Variants in CHEK2 observed in about 807,000 individuals in gnomAD.
CHEK2 encodes checkpoint kinase 2, also known as serine/threonine-protein kinase Chk2.
In CHEK2, 71 loss-of-function variants were observed where a neutral mutation model predicts 69.1. The ratio of observed to expected loss-of-function variants is 1.03; its 90% CI spans 0.85 to 1.25. The LOEUF (loss-of-function observed/expected upper bound fraction) is 1.25. Among genes scored for constraint, CHEK2 ranks in the 50% most tolerant of loss-of-function variants. The probability of loss-of-function intolerance (pLI) is 0.00; values close to 1 mark genes in which losing one functional copy is unlikely to be tolerated. For missense variants in CHEK2, 664 were observed against 649.6 expected (o/e 1.02, Z -0.24); for synonymous variants, 189 against 226.9 (o/e 0.83, Z 1.50).
chr22:28,709,027 T>C, intron 7 of CHEK2: 1 of 383,616 alleles, frequency 2.6e-6, no homozygotes, highest in Non-Finnish European at 5.1e-6. Context: ...AGGAGAGAGA[T>C]CTTGCCTTGA....
At chr22:28,704,907 A>G (rs542730146) in intron 7 of CHEK2, among the ~76,000 whole-genome samples, 4 of 152,264 alleles carry the variant, frequency 2.6e-5, no homozygotes, top group South Asian at 2.1e-4. Context: ...CCTTCCCACA[A>G]TGAATTGTTA....
At chr22:28,732,167 A>G (rs2054238106) in intron 2 of CHEK2, among the ~76,000 whole-genome samples, 1 of 151,412 alleles carries the variant, frequency 6.6e-6, no homozygotes. Context: ...GCTGGAGTGC[A>G]ATGGCGAGAT....
chr22:28,721,582 C>T (rs1441820311), intron 4 of CHEK2: 2 of 459,576 alleles, frequency 4.4e-6, no homozygotes, highest in African/African-American at 2.0e-5. Flanking sequence ...CCACCGCGCC[C>T]CGCCGTATTT....
At chr22:28,696,481 C>T (rs956240747) in intron 10 of CHEK2, among the ~76,000 whole-genome samples, 1 of 152,226 alleles carries the variant, frequency 6.6e-6, no homozygotes, top group Non-Finnish European at 1.5e-5. Context: ...TCAAGTGATT[C>T]TCGTGTCTCA....
chr22:28,699,731 G>T, intron 9 of CHEK2, 107 bp downstream of exon 9: 1 of 854,826 alleles, frequency 1.2e-6, no homozygotes. Context: ...CAAACACACA[G>T]ATTCTCTTCT....
chr22:28,722,485 G>A (rs574848889), intron 4 of CHEK2, among the ~76,000 whole-genome samples: 327 of 149,272 alleles, frequency 2.2e-3, no homozygotes, highest in Admixed American at 4.9e-3. Context: ...GCTTGCAGTG[G>A]GCCGAGATCA....
Position 28,730,041 on chromosome 22 carries a change from C to T in CHEK2, c.319+4362G>A. 6.6e-5 allele frequency among the ~76,000 whole-genome samples: 10 copies of T among 150,720 alleles called. No individual in the cohort carries two copies. The Admixed American group carries it at 6.7e-4, about 10-fold the overall frequency. ...TGTATTTTTAGTAGAGACGGGGTTTCACCATGTTGGCCAGGATGGTCTCGA... is the reference window on the plus strand; with the variant it reads ...TGTATTTTTAGTAGAGACGGGGTTTTACCATGTTGGCCAGGATGGTCTCGA... On this transcript the variant is annotated intron_variant, in intron 2 of 14. Transcript: ENST00000404276.
At chr22:28,705,579 C>A (rs1235908708) in intron 7 of CHEK2, among the ~76,000 whole-genome samples, 1 of 152,076 alleles carries the variant, frequency 6.6e-6, no homozygotes, top group Non-Finnish European at 1.5e-5. Context: ...TTATAAGATT[C>A]AGAAACAAGC....
chr22:28,721,864 G>A (rs2053798750), intron 4 of CHEK2, among the ~76,000 whole-genome samples: 1 of 151,868 alleles, frequency 6.6e-6, no homozygotes, highest in Non-Finnish European at 1.5e-5. Flanking sequence ...CCAAGTAGCT[G>A]GGACTACAGG....
At chr22:28,697,054 C>A (rs2145819524) in intron 9 of CHEK2, 67 bp from the exon 10 acceptor site, 1 of 926,990 alleles carries the variant, frequency 1.1e-6, no homozygotes, top group Non-Finnish European at 1.8e-6. Flanking sequence ...TCAAAGTTAC[C>A]AACACACACA....
intron 8 of CHEK2, among the ~76,000 whole-genome samples, chr22:28,701,097 T>C (rs1344069667): frequency 1.3e-5 from 2 of 151,800 alleles, no homozygotes; most frequent in African/African-American, 4.8e-5. Context: ...CTCTGTATTA[T>C]CACTTTTATT....
intron 2 of CHEK2, among the ~76,000 whole-genome samples, chr22:28,731,933 G>A (rs1486629427): frequency 1.3e-5 from 2 of 151,692 alleles, no homozygotes; most frequent in African/African-American, 4.8e-5. Context: ...AAAATATATT[G>A]TATTTTATTT....
chr22:28,695,942 A>G, intron 10 of CHEK2, 69 bp from the exon 11 acceptor site: 2 of 1,273,984 alleles, frequency 1.6e-6, no homozygotes, highest in East Asian at 4.7e-5. Context: ...ATAGTCTGCC[A>G]GTCCAAGAAG....
chr22:28,709,029 T>G (rs185275205), intron 7 of CHEK2: 2 of 388,334 alleles, frequency 5.2e-6, no homozygotes, highest in Non-Finnish European at 1.0e-5. Flanking sequence ...GAGAGAGATC[T>G]TGCCTTGAGT....
At chr22:28,727,225 T>C (rs1260527567) in intron 2 of CHEK2, among the ~76,000 whole-genome samples, 1 of 152,110 alleles carries the variant, frequency 6.6e-6, no homozygotes, top group African/African-American at 2.4e-5. Context: ...GTAATTTTAG[T>C]AGAGACGGGG....
At chr22:28,725,601 C>T (rs1220226597) in intron 2 of CHEK2, among the ~76,000 whole-genome samples, 2 of 152,194 alleles carry the variant, frequency 1.3e-5, no homozygotes, top group Non-Finnish European at 2.9e-5. Context: ...TGGCTCACAC[C>T]TGTAATCTCA....
At chr22:28,698,407 C>A (rs2052679724) in intron 9 of CHEK2, among the ~76,000 whole-genome samples, 1 of 151,660 alleles carries the variant, frequency 6.6e-6, no homozygotes, top group African/African-American at 2.4e-5. Flanking sequence ...AAAAAATAAA[C>A]AAATAAAAAT....
chr22:28,694,433 T>C (rs1331042259), intron 12 of CHEK2, among the ~76,000 whole-genome samples: 1 of 152,116 alleles, frequency 6.6e-6, no homozygotes, highest in Non-Finnish European at 1.5e-5. Context: ...TCTAAGATAC[T>C]TGGGATGCAC....
chr22:28,700,130 A>G (rs2052781159), intron 8 of CHEK2, among the ~76,000 whole-genome samples, 193 bp from the exon 9 acceptor site: 1 of 152,016 alleles, frequency 6.6e-6, no homozygotes, highest in South Asian at 2.1e-4. Flanking sequence ...AAGGAATGAG[A>G]TGAAAGGATT....
Sources: allele counts gnomAD v4.1 joint callset (sites outside exome capture counted in the v4.1 genomes callset), GRCh38; gene constraint gnomAD v4.1.1; transcripts MANE v1.5; gene names NCBI Gene and HGNC (gene_info 2026-07-23, HGNC 2026-07-21).